The following IFT74 variants were observed in gnomAD, a reference collection of about 807,000 sequenced individuals.
The protein encoded by IFT74 is intraflagellar transport protein 74 homolog.
In IFT74, 92 loss-of-function variants were observed where a neutral mutation model predicts 96.7. That is an observed-to-expected ratio of 0.95 (90% CI 0.80 to 1.13). The LOEUF is 1.13. IFT74 is among the 50% of genes most tolerant of loss of function. The pLI, the probability that IFT74 is intolerant of heterozygous loss-of-function variation, is 0.00. For missense variants in IFT74, 811 were observed against 698.2 expected (o/e 1.16, Z -1.82); for synonymous variants, 223 against 213.2 (o/e 1.05, Z -0.40).
At chr9:26,953,106 G>A (rs1387555078), upstream of IFT74, among the ~76,000 whole-genome samples, 5 of 152,066 alleles carry the variant, frequency 3.3e-5, no homozygotes, top group Non-Finnish European at 5.9e-5. Flanking sequence ...GTGTTCTTCC[G>A]GGCCATAAGT....
At chr9:26,979,610 A>G (rs1220616555) in intron 3 of IFT74, among the ~76,000 whole-genome samples, 1 of 150,572 alleles carries the variant, frequency 6.6e-6, no homozygotes, top group Non-Finnish European at 1.5e-5. Context: ...CTCAGCATAG[A>G]CCTTATAGTT....
chr9:27,023,105 C>G (rs1829694695), intron 12 of IFT74, among the ~76,000 whole-genome samples: 1 of 152,122 alleles, frequency 6.6e-6, no homozygotes, highest in Admixed American at 6.5e-5. Flanking sequence ...CAAGAGCAGA[C>G]AGTGACAGTT....
At chr9:26,979,374 A>G (rs1827260667) in intron 3 of IFT74, among the ~76,000 whole-genome samples, 1 of 152,102 alleles carries the variant, frequency 6.6e-6, no homozygotes, top group African/African-American at 2.4e-5. Flanking sequence ...GGGTAAAAAC[A>G]TATTAAAATT....
upstream of IFT74, among the ~76,000 whole-genome samples, chr9:26,952,798 G>A (rs984441264): frequency 1.3e-5 from 2 of 152,056 alleles, no homozygotes; most frequent in African/African-American, 4.8e-5. Flanking sequence ...TCTCCATATT[G>A]TATGGGAAGA....
In IFT74 at chr9:27,016,986, A is replaced by G. The variant is rs777138952; in HGVS notation, c.869A>G (p.Gln290Arg). Residue 290 changes from glutamine to arginine, a missense_variant, in exon 11 of 20, where the codon CAA (glutamine) becomes CGA (arginine). Transcript: ENST00000380062. ...KLYELESHRD[Q>R]MIAEDKSIGS... Reference sequence around the variant, plus strand: ...TATGAGTTGGAGTCCCATCGAGATCAAATGATTGCAGAAGACAAAAGCATA... The same window carrying G: ...TATGAGTTGGAGTCCCATCGAGATCGAATGATTGCAGAAGACAAAAGCATA... The G allele has an allele frequency of 7.4e-6, 12 of 1,611,414 alleles. No homozygotes were observed. The highest frequency in any genetic ancestry group is 3.3e-4 in the Middle Eastern group (2 of 6,050).
intron 12 of IFT74, among the ~76,000 whole-genome samples, chr9:27,028,096 C>T (rs1403129327): frequency 6.6e-6 from 1 of 152,090 alleles, no homozygotes; most frequent in Non-Finnish European, 1.5e-5. Flanking sequence ...TATCAAAAAT[C>T]GGTTAGCTAT....
chr9:26,991,543 G>A (rs1827871913), intron 8 of IFT74, among the ~76,000 whole-genome samples: 1 of 152,064 alleles, frequency 6.6e-6, no homozygotes, highest in African/African-American at 2.4e-5. Context: ...TGCTGCTGCT[G>A]TAAAGTGGTA....
intron 8 of IFT74, chr9:26,995,761 G>A (rs1563958979): frequency 6.2e-7 from 1 of 1,613,770 alleles, no homozygotes. Flanking sequence ...TTGGGCATTT[G>A]ATAGCAATAA....
Position 27,055,591 on chromosome 9 carries a change from T to C in IFT74, c.1334-18T>C. On this transcript the variant is annotated intron_variant, in intron 16 of 19. Coordinates refer to ENST00000380062, the MANE Select transcript of IFT74 (RefSeq NM_025103.4). ...ATAAAATTTTGATTAATTATCACCTTAAATTCTTATGTTTCAGACATTCAA... is the reference window on the plus strand; with the variant it reads ...ATAAAATTTTGATTAATTATCACCTCAAATTCTTATGTTTCAGACATTCAA... 1 of 1,547,828 alleles carries C rather than the reference T, an allele frequency of 6.5e-7. No individual in the cohort carries two copies. The highest frequency in any genetic ancestry group is 8.7e-7 in the Non-Finnish European group (1 of 1,151,768).
intron 2 of IFT74, among the ~76,000 whole-genome samples, chr9:26,970,068 T>C (rs1826817497): frequency 6.6e-6 from 1 of 152,164 alleles, no homozygotes; most frequent in Non-Finnish European, 1.5e-5. Flanking sequence ...GCTTTTATTC[T>C]GATAGGATTG....
intron 4 of IFT74, chr9:26,982,418 G>A (rs1183833024): frequency 7.2e-6 from 3 of 418,708 alleles, no homozygotes; most frequent in South Asian, 1.7e-5. Flanking sequence ...CTGGGATTAC[G>A]GGTGCCTGCC....
At chr9:27,047,453 G>T in intron 15 of IFT74, 82 bp downstream of exon 15, 5 of 731,702 alleles carry the variant, frequency 6.8e-6, no homozygotes, top group South Asian at 3.6e-5. Flanking sequence ...AAATAGAACG[G>T]CTCACTATTG....
chr9:27,053,154 G>A (rs1045172619), intron 16 of IFT74, among the ~76,000 whole-genome samples: 1 of 122,678 alleles, frequency 8.2e-6, no homozygotes, highest in Admixed American at 9.0e-5. Flanking sequence ...TGAGCACCGC[G>A]CCTGGCCTTT....
intron 8 of IFT74, among the ~76,000 whole-genome samples, chr9:27,007,113 A>G (rs1828835354): frequency 6.6e-6 from 1 of 152,078 alleles, no homozygotes. Flanking sequence ...CTGGGATTAC[A>G]GGCATGAGCC....
At chr9:26,996,027 A>G (rs1211146068) in intron 8 of IFT74, among the ~76,000 whole-genome samples, 1 of 152,088 alleles carries the variant, frequency 6.6e-6, no homozygotes, top group Non-Finnish European at 1.5e-5. Flanking sequence ...TGTGTTTGCA[A>G]TTTTGTTACC....
chr9:27,062,284 C>T (rs967495220), intron 19 of IFT74, among the ~76,000 whole-genome samples: 12 of 151,978 alleles, frequency 7.9e-5, no homozygotes, highest in South Asian at 2.1e-4. Context: ...CTCTAGAGAA[C>T]GTGGTATGTG....
intron 8 of IFT74, among the ~76,000 whole-genome samples, chr9:27,004,491 G>A (rs1456048764): frequency 2.0e-5 from 3 of 152,154 alleles, no homozygotes; most frequent in African/African-American, 7.2e-5. Context: ...GGGTGATGTC[G>A]ATTATCATGA....
At chr9:26,997,458 T>C (rs10217151) in intron 8 of IFT74, among the ~76,000 whole-genome samples, 4,098 of 150,370 alleles carry the variant, frequency 0.027, 195 homozygotes, top group African/African-American at 0.094. Context: ...CTCAGCCTCC[T>C]GAGTACCTGG....
chr9:27,025,932 A>G (rs1192313674), intron 12 of IFT74, among the ~76,000 whole-genome samples: 1 of 152,200 alleles, frequency 6.6e-6, no homozygotes, highest in Admixed American at 6.5e-5. Context: ...GGAAATGAAA[A>G]ACTAAGGTAT....
Sources: gnomAD v4.1 joint callset for allele counts (sites outside exome capture counted in the v4.1 genomes callset) on GRCh38, gnomAD v4.1.1 for gene constraint, MANE v1.5 for transcripts, NCBI Gene and HGNC (gene_info 2026-07-23, HGNC 2026-07-21) for gene names.